MRNIP: variants seen among roughly 807,000 people sequenced by gnomAD.
The protein encoded by MRNIP is MRN complex interacting protein.
A neutral mutation model predicts 29.8 loss-of-function variants in MRNIP; 30 were observed. The ratio of observed to expected loss-of-function variants is 1.01; its 90% confidence interval spans 0.75 to 1.36. The LOEUF (loss-of-function observed/expected upper bound fraction) is 1.36. MRNIP is among the 40% of genes most tolerant of loss of function. The pLI, the probability that MRNIP is intolerant of heterozygous loss-of-function variation, is 0.00. For missense variants in MRNIP, 459 were observed against 423.5 expected (o/e 1.08, Z -0.74); for synonymous variants, 201 against 164.1 (o/e 1.23, Z -1.72).
Position 179,847,954 on chromosome 5 carries a change from C to A in MRNIP, c.215+24G>T, listed in dbSNP as rs1329814033. The A allele has an allele frequency of 3.9e-6, 6 of 1,525,378 alleles. No individual in the cohort carries two copies. The African/African-American group carries it at 5.5e-5, about 14-fold the overall frequency. 94.5% of individuals were successfully genotyped at this position (1,525,378 alleles called of 1,614,324 possible). On this transcript the variant is annotated intron_variant, in intron 3 of 6. Transcript: ENST00000292586. ...CAAGACGAAAACAGGGCAAGACAAC[C>A]ACGCTCTTCTCAAACAACTGTACCT...
rs1758905513 is a variant in MRNIP at position 179,842,077 on chromosome 5, G to A, written c.292-13C>T. The A allele has an allele frequency of 1.2e-6, 2 of 1,609,984 alleles. No individual in the cohort carries two copies. The highest frequency in any genetic ancestry group is 1.7e-6 in the Non-Finnish European group (2 of 1,178,948). On this transcript the variant is annotated splice_polypyrimidine_tract_variant and intron_variant, in intron 4 of 6. Transcript: ENST00000292586. ...GCTGCGATTTTTCCTGCCAGATTGAGAAAAAAGTTGATTCTCAGTACTGGA... is the reference window on the plus strand; with the variant it reads ...GCTGCGATTTTTCCTGCCAGATTGAAAAAAAAGTTGATTCTCAGTACTGGA...
At chr5:179,846,440 C>T (rs975308539) in intron 3 of MRNIP, among the ~76,000 whole-genome samples, 3 of 152,010 alleles carry the variant, frequency 2.0e-5, no homozygotes, top group East Asian at 3.9e-4. Flanking sequence ...CCCGCCACCA[C>T]GCCCAGCTGA....
rs766165449 is a variant in MRNIP, at chr5:179,853,374, T to A, written c.126+4A>T. 1.2e-6 allele frequency: 2 copies of A among 1,612,324 alleles called. No homozygotes were observed. Among genetic ancestry groups the A allele is most frequent in the Non-Finnish European group, 1.7e-6 (2 of 1,178,884 alleles). On this transcript the variant is annotated splice_donor_region_variant and intron_variant, in intron 2 of 6. Transcript: ENST00000292586. Reference sequence around the variant, plus strand: ...CCACTTGCTTTCTGTTTTGTAGGACTCACCTGCAAAAAGGACTGCTTCTCT... The same window carrying A: ...CCACTTGCTTTCTGTTTTGTAGGACACACCTGCAAAAAGGACTGCTTCTCT...
At chr5:179,853,513 A>C in intron 1 of MRNIP, 76 bp from the exon 2 acceptor site, 1 of 1,225,994 alleles carries the variant, frequency 8.2e-7, no homozygotes, top group Non-Finnish European at 1.2e-6. Flanking sequence ...TCGGTGGCTC[A>C]TGCCTGTAAT....
chr5:179,845,486 G>T (rs1185690542), intron 3 of MRNIP, among the ~76,000 whole-genome samples: 1 of 150,888 alleles, frequency 6.6e-6, no homozygotes, highest in Non-Finnish European at 1.5e-5. Context: ...ATACTTTTAA[G>T]TTCTACAAAC....
chr5:179,848,124 G>A, intron 2 of MRNIP, 58 bp from the exon 3 acceptor site: 1 of 1,347,676 alleles, frequency 7.4e-7, no homozygotes, highest in South Asian at 1.2e-5. Context: ...CTGAGAAACA[G>A]ATCCATTTGA....
intron 6 of MRNIP, chr5:179,838,754 A>G (rs1294984703): frequency 6.6e-6 from 1 of 151,526 alleles, no homozygotes; most frequent in Non-Finnish European, 1.5e-5. Flanking sequence ...TGAGGCAGGC[A>G]GATTGCTTGA....
chr5:179,855,906 T>TA, intron 1 of MRNIP, among the ~76,000 whole-genome samples: 1 of 142,432 alleles, frequency 7.0e-6, no homozygotes, highest in African/African-American at 2.9e-5. Flanking sequence ...TAAGAAAAGT[T>TA]GTTTTTTTTT....
At chr5:179,842,699 C>CAAAAAAAAAAAAAA (rs58952171) in intron 4 of MRNIP, among the ~76,000 whole-genome samples, 11 of 28,998 alleles carry the variant, frequency 3.8e-4, no homozygotes, top group African/African-American at 1.2e-3. Flanking sequence ...GACTCCGTCT[C>CAAAAAAAAAAAAAA]AAAAAAAAAA....
In MRNIP at chr5:179,857,242, C is replaced by T. The variant is rs530618770; in HGVS notation, c.66+1489G>A. ...CTTTCGGAGGCCGAGGCGGGCAGAT[C>T]ACGAGGTCAAGAGATGGAGACCTTC... On this transcript the variant is annotated intron_variant, in intron 1 of 6. Transcript: ENST00000292586. Among the ~76,000 whole-genome samples the T allele has an allele frequency of 7.9e-5, 12 of 152,202 alleles. No individual in the cohort carries two copies. The South Asian group carries it at 1.9e-3, about 24-fold the overall frequency.
intron 4 of MRNIP, among the ~76,000 whole-genome samples, chr5:179,842,516 TAAA>T (rs768324237): frequency 1.5e-4 from 20 of 130,504 alleles, no homozygotes; most frequent in South Asian, 7.3e-4. Flanking sequence ...CCGTCTCTAC[TAAA>T]AAAAAAACAA....
rs113834707 is a variant in MRNIP at position 179,858,025 on chromosome 5, A to AAAG, written c.66+703_66+705dup. On this transcript the variant is annotated intron_variant, in intron 1 of 6. Transcript: ENST00000292586. The stretch of plus-strand genomic sequence containing the variant: ...AAACTCCGTCTCAAAAAAAAAAAAA[A>AAAG]AAGAAGAAGAAGTCTGATGCTATTC... 7.0e-5 allele frequency among the ~76,000 whole-genome samples: 10 copies of AAAG among 143,278 alleles called. 1 individual carries two copies. Among genetic ancestry groups the AAAG allele is most frequent in the African/African-American group, 2.5e-4 (10 of 39,610 alleles). The allele number at this position is 143,278 out of a possible 152,430, so 94.0% of individuals were successfully genotyped here.
intron 4 of MRNIP, among the ~76,000 whole-genome samples, chr5:179,842,862 G>A (rs542981190): frequency 8.0e-5 from 12 of 150,126 alleles, no homozygotes; most frequent in South Asian, 2.1e-4. Flanking sequence ...GTGAAACCCC[G>A]TCTCTACTAA....
At chr5:179,844,706 G>C (rs57322113) in intron 3 of MRNIP, among the ~76,000 whole-genome samples, 1 of 152,044 alleles carries the variant, frequency 6.6e-6, no homozygotes, top group African/African-American at 2.4e-5. Flanking sequence ...GATTACAAGC[G>C]TGAAGTACGC....
chr5:179,837,750 T>C lies in MRNIP; in HGVS notation c.673A>G (p.Thr225Ala). 1.2e-6 allele frequency: 2 copies of C among 1,614,266 alleles called. No individual in the cohort carries two copies. The highest frequency in any genetic ancestry group is 1.7e-6 in the Non-Finnish European group (2 of 1,180,044). Residue 225 changes from threonine (T) to alanine (A), a missense_variant, in exon 7 of 7, where the codon ACA becomes GCA. By Grantham distance (58) the Thr-to-Ala change is moderately conservative. Transcript: ENST00000292586. Reference sequence around the variant, plus strand: ...ACAAATTGCGCCCATTTAGAGGATGTGGCTGTAACCTGCTGGATGGGACTC... The same window carrying C: ...ACAAATTGCGCCCATTTAGAGGATGCGGCTGTAACCTGCTGGATGGGACTC... ...LWSPIQQVTA[T>A]SSKWAQFVLP...
intron 6 of MRNIP, chr5:179,840,059 C>G (rs1452778741): frequency 6.6e-6 from 1 of 152,270 alleles, no homozygotes; most frequent in East Asian, 1.9e-4. Flanking sequence ...ATTCTCCTGC[C>G]TCAGCCTCTC....
intron 1 of MRNIP, among the ~76,000 whole-genome samples, chr5:179,855,918 T>C (rs1342543289): frequency 6.7e-6 from 1 of 148,556 alleles, no homozygotes; most frequent in Non-Finnish European, 1.5e-5. Context: ...TTTTTTTTTT[T>C]TTTTTTTTGA....
chr5:179,851,949 C>A (rs1038254602), intron 2 of MRNIP, among the ~76,000 whole-genome samples: 1 of 151,542 alleles, frequency 6.6e-6, no homozygotes, highest in Non-Finnish European at 1.5e-5. Flanking sequence ...TGCACTCCAG[C>A]CTGAGTGACA....
At chr5:179,839,826 T>TCCAGCCTG (rs1758799498) in intron 6 of MRNIP, 1 of 152,420 alleles carries the variant, frequency 6.6e-6, no homozygotes, top group African/African-American at 2.4e-5. Flanking sequence ...CCTGCTGGAC[T>TCCAGCCTG]GGAAGCTTCA....
Sources: allele counts gnomAD v4.1 joint callset (sites outside exome capture counted in the v4.1 genomes callset), GRCh38; gene constraint gnomAD v4.1.1; transcripts MANE v1.5; gene names NCBI Gene and HGNC (gene_info 2026-07-23, HGNC 2026-07-21).